The following METTL25 variants were observed in gnomAD, a reference collection of about 807,000 sequenced individuals.
The protein encoded by METTL25 is methyltransferase like 25.
METTL25 carries 64 observed loss-of-function variants against 71.6 expected under a neutral mutation model. That is an observed-to-expected ratio of 0.89 (90% confidence interval 0.73 to 1.10). METTL25 has a LOEUF of 1.10. METTL25 is among the 50% of genes least tolerant of loss of function. The pLI is 0.00. For synonymous variants in METTL25, 287 were observed against 250.3 expected (o/e 1.15, Z -1.38); for missense variants, 807 against 707.0 (o/e 1.14, Z -1.60).
chr12:82,457,713 C>G (rs1789028375), intron 9 of METTL25, among the ~76,000 whole-genome samples: 1 of 151,916 alleles, frequency 6.6e-6, no homozygotes, highest in Non-Finnish European at 1.5e-5. Context: ...ATATGATACT[C>G]CTTTTAATTA....
At chr12:82,372,021 A>G (rs1373815182) in intron 1 of METTL25, among the ~76,000 whole-genome samples, 1 of 152,108 alleles carries the variant, frequency 6.6e-6, no homozygotes, top group Non-Finnish European at 1.5e-5. Context: ...TCATTCCATC[A>G]TTTACTTGAC....
chr12:82,465,221 T>C (rs1033983713), intron 9 of METTL25, among the ~76,000 whole-genome samples: 1 of 151,998 alleles, frequency 6.6e-6, no homozygotes, highest in Non-Finnish European at 1.5e-5. Flanking sequence ...CCCCTTTCAG[T>C]ATGATGTTAG....
At chr12:82,460,041 T>C (rs564108675) in intron 9 of METTL25, 2 of 152,336 alleles carry the variant, frequency 1.3e-5, no homozygotes, top group African/African-American at 4.8e-5. Context: ...AAGCCAATTA[T>C]GTCCTAGCCA....
Position 82,403,125 on chromosome 12 carries a change from A to C in METTL25, c.1274A>C (p.His425Pro), listed in dbSNP as rs371746726. ...TTATCTGAAGAATTTGAAAACCAGCATAAAGGTACAAGTTCCCCATGTGTC... is the reference window on the plus strand; with the variant it reads ...TTATCTGAAGAATTTGAAAACCAGCCTAAAGGTACAAGTTCCCCATGTGTC... ...HLLSEEFENQ[H>P]KERTQEKWGF... The change falls in exon 5 of 12, where the codon CAT becomes CCT. Residue 425 changes from histidine to proline, a missense_variant. Physicochemically the swap from His to Pro is moderately conservative, Grantham distance 77. Transcript: ENST00000248306. 10 of 1,610,966 alleles carry C rather than the reference A, an allele frequency of 6.2e-6. No individual in the cohort carries two copies. In the African/African-American group the frequency reaches 1.1e-4, roughly 17 times the overall value.
chr12:82,423,592 G>A (rs796412441), intron 5 of METTL25, among the ~76,000 whole-genome samples: 98 of 152,170 alleles, frequency 6.4e-4, no homozygotes, highest in South Asian at 1.7e-3. Flanking sequence ...AACTACCATC[G>A]GAGTGAACAG....
At chr12:82,441,475 ATGTACTTTTCTCTG>A (rs1256156481) in intron 8 of METTL25, among the ~76,000 whole-genome samples, 2 of 151,970 alleles carry the variant, frequency 1.3e-5, no homozygotes, top group East Asian at 3.9e-4. Flanking sequence ...TATAGAATAG[ATGTACTTTTCTCTG>A]TTTTTCCTGC....
chr12:82,389,793 GTTTT>G lies in METTL25; in HGVS notation c.425-21_425-18del, dbSNP rs774942705. On this transcript the variant is annotated intron_variant, in intron 2 of 11. Coordinates refer to ENST00000248306, the MANE Select transcript of METTL25 (RefSeq NM_032230.3). ...ACTAAATTTTGATTCTTTAATAGCA[GTTTT>G]TACTTTTATTTTCATTAGGTGAAAA... 1 of 1,438,124 alleles carries G rather than the reference GTTTT, an allele frequency of 7.0e-7. No homozygotes were observed. Among genetic ancestry groups the G allele is most frequent in the Non-Finnish European group, 9.7e-7 (1 of 1,028,046 alleles). 89.1% of individuals were successfully genotyped at this position (1,438,124 alleles called of 1,614,324 possible).
At chr12:82,366,835 C>CT (rs1882631121) in intron 1 of METTL25, among the ~76,000 whole-genome samples, 2 of 152,090 alleles carry the variant, frequency 1.3e-5, no homozygotes, top group Admixed American at 1.3e-4. Context: ...TCCATTTTCT[C>CT]TTTTTCAGTT....
intron 1 of METTL25, chr12:82,373,988 T>C (rs1883546414): frequency 6.5e-6 from 1 of 154,070 alleles, no homozygotes; most frequent in Non-Finnish European, 1.4e-5. Flanking sequence ...AGTCCCTTTG[T>C]GATCGCCAAA....
At chr12:82,470,249 C>T (rs1177813106) in intron 9 of METTL25, among the ~76,000 whole-genome samples, 1 of 152,104 alleles carries the variant, frequency 6.6e-6, no homozygotes, top group African/African-American at 2.4e-5. Flanking sequence ...GCAAGGGTTC[C>T]CAGTGAACCC....
Position 82,364,896 on chromosome 12 carries a change from A to G in METTL25, c.259+6072A>G, listed in dbSNP as rs1882383809. ...GTCTGTTGGCTTGTCTGTATCTGCA[A>G]CTAAATTATAAACTATCAAAAAACA... On this transcript the variant is annotated intron_variant, in intron 1 of 11. Transcript: ENST00000248306. Among the ~76,000 whole-genome samples the G allele has an allele frequency of 2.6e-5, 4 of 152,226 alleles. No individual in the cohort carries two copies. The South Asian group carries it at 8.3e-4, about 32-fold the overall frequency.
chr12:82,448,410 T>G (rs1890901970), intron 8 of METTL25, among the ~76,000 whole-genome samples: 1 of 152,032 alleles, frequency 6.6e-6, no homozygotes, highest in Admixed American at 6.5e-5. Context: ...TATTTACAAT[T>G]AGTACTTATC....
chr12:82,469,016 C>G (rs1026450654), intron 9 of METTL25: 1 of 152,122 alleles, frequency 6.6e-6, no homozygotes, highest in African/African-American at 2.4e-5. Flanking sequence ...CAAAACCCAC[C>G]AACCCCATTG....
intron 9 of METTL25, among the ~76,000 whole-genome samples, chr12:82,459,051 C>A (rs1186132176): frequency 6.6e-6 from 1 of 152,114 alleles, no homozygotes; most frequent in African/African-American, 2.4e-5. Context: ...TTATTTACAG[C>A]AGTTACTTTT....
chr12:82,378,005 T>C (rs1884050764), intron 1 of METTL25, among the ~76,000 whole-genome samples: 1 of 152,134 alleles, frequency 6.6e-6, no homozygotes, highest in African/African-American at 2.4e-5. Context: ...TTGTGCTTCT[T>C]CTCTATTTTT....
chr12:82,469,227 C>T (rs1390940335), intron 9 of METTL25, among the ~76,000 whole-genome samples: 1 of 152,134 alleles, frequency 6.6e-6, no homozygotes, highest in Non-Finnish European at 1.5e-5. Flanking sequence ...TCTACATCAT[C>T]TGCAAGATGC....
chr12:82,466,597 T>A (rs1048689234), intron 9 of METTL25, among the ~76,000 whole-genome samples: 5 of 152,124 alleles, frequency 3.3e-5, no homozygotes, highest in Non-Finnish European at 7.4e-5. Flanking sequence ...TATAAATGTC[T>A]GTTCTGTTAG....
At chr12:82,370,071 C>G (rs529431174) in intron 1 of METTL25, among the ~76,000 whole-genome samples, 1 of 152,280 alleles carries the variant, frequency 6.6e-6, no homozygotes, top group East Asian at 1.9e-4. Flanking sequence ...CAGGACACCC[C>G]AACTGCTGTT....
chr12:82,416,106 A>G (rs552446388), intron 5 of METTL25, among the ~76,000 whole-genome samples: 1 of 152,256 alleles, frequency 6.6e-6, no homozygotes, highest in South Asian at 2.1e-4. Context: ...GGCTCAGTCC[A>G]TATTTATGGA....
Sources: allele counts gnomAD v4.1 joint callset (sites outside exome capture counted in the v4.1 genomes callset), GRCh38; gene constraint gnomAD v4.1.1; transcripts MANE v1.5; gene names NCBI Gene and HGNC (gene_info 2026-07-23, HGNC 2026-07-21).